Variants in PCDH19 observed in about 807,000 individuals in gnomAD.
PCDH19 encodes protocadherin 19.
In PCDH19, 6 loss-of-function variants were observed where a neutral mutation model predicts 46.2. The ratio of observed to expected loss-of-function variants is 0.13; its 90% CI spans 0.07 to 0.26. PCDH19 has a LOEUF of 0.26. Among genes scored for constraint, PCDH19 ranks in the 10% least tolerant of loss-of-function variants. PCDH19 has a pLI of 1.00. For missense variants in PCDH19, 740 were observed against 972.3 expected, an observed-to-expected ratio of 0.76 and a Z score of 3.18; for synonymous variants, 481 against 415.7, an observed-to-expected ratio of 1.16 and a Z score of -1.91.
At chrX:100,344,879 A>G (rs979278723) in intron 4 of PCDH19, among the ~76,000 whole-genome samples, 5 of 106,622 alleles carry the variant, frequency 4.7e-5, no homozygotes, top group Non-Finnish European at 9.6e-5. Context: ...CTTAAAGGAA[A>G]AAAACCAAAA....
chrX:100,361,780 G>A (rs773774559), intron 3 of PCDH19, among the ~76,000 whole-genome samples: 9 of 110,979 alleles, frequency 8.1e-5, no homozygotes, highest in Non-Finnish European at 1.5e-4. Context: ...CAGGTCCTGC[G>A]CTCACACCAC....
In PCDH19 at chrX:100,294,164, A is replaced by G. The variant is rs2147443197; in HGVS notation, c.*2113T>C. On this transcript the variant is annotated 3_prime_UTR_variant, in exon 6 of 6. Coordinates refer to ENST00000373034, the MANE Select transcript of PCDH19 (RefSeq NM_001184880.2). ...GTGTTAATCAAATAGTCACTTGCAA[A>G]GAGAAATAAATACTTAATTCAAAAT... 1 of 112,442 alleles carries G rather than the reference A, an allele frequency of 8.9e-6. No homozygotes were observed. Among genetic ancestry groups the G allele is most frequent in the Non-Finnish European group, 1.9e-5 (1 of 53,274 alleles). The allele number at this position is 112,442 out of a possible 1,213,427, so 9.3% of individuals were successfully genotyped here. A position where few individuals can be genotyped will look rare whatever the true frequency, so the allele number is the denominator to read the frequency against.
At chrX:100,322,865 A>ATATATATATATATATATATATATT in intron 5 of PCDH19, among the ~76,000 whole-genome samples, 4 of 54,416 alleles carry the variant, frequency 7.4e-5, no homozygotes, top group African/African-American at 2.5e-4. Flanking sequence ...ATATATATAT[A>ATATATATATATATATATATATATT]TTTTTGCAGC....
chrX:100,303,490 C>T (rs748950699), intron 5 of PCDH19, among the ~76,000 whole-genome samples: 1 of 111,479 alleles, frequency 9.0e-6, no homozygotes, highest in Admixed American at 9.5e-5. Flanking sequence ...ATGACAACTT[C>T]CTAGAGCCCT....
At position 100,332,349 on chromosome X, in the gene PCDH19, C is replaced by T. The variant is rs112650733; in HGVS notation, c.2848+9554G>A. On this transcript the variant is annotated intron_variant, in intron 5 of 5. Coordinates refer to ENST00000373034, the MANE Select transcript of PCDH19 (RefSeq NM_001184880.2). Reference sequence around the variant, plus strand: ...CCAGCCTGGCCAACGTGGTGAAACCCCGTCTCTACTAAAAGTACAAAAATT... The same window carrying T: ...CCAGCCTGGCCAACGTGGTGAAACCTCGTCTCTACTAAAAGTACAAAAATT... 6.8e-3 allele frequency among the ~76,000 whole-genome samples: 754 copies of T among 110,815 alleles called. 4 individuals are homozygous for T. The highest frequency in any genetic ancestry group is 0.023 in the African/African-American group (704 of 30,401).
intron 3 of PCDH19, among the ~76,000 whole-genome samples, chrX:100,374,909 A>G (rs1027045086): frequency 1.7e-4 from 18 of 108,446 alleles, no homozygotes; most frequent in African/African-American, 6.1e-4. Context: ...TTTGCACTCC[A>G]GCCCAGGCGA....
chrX:100,367,094 G>A (rs1288207253), intron 3 of PCDH19, among the ~76,000 whole-genome samples: 1 of 112,633 alleles, frequency 8.9e-6, no homozygotes, highest in African/African-American at 3.2e-5. Context: ...ATCATTCAGA[G>A]GCTTCCCCAC....
chrX:100,341,710 G>T (rs1926254653), intron 5 of PCDH19, among the ~76,000 whole-genome samples, 193 bp downstream of exon 5: 1 of 111,896 alleles, frequency 8.9e-6, no homozygotes, highest in Admixed American at 9.5e-5. Flanking sequence ...AGACCTAGGG[G>T]ATCCACTTAG....
At chrX:100,329,290 G>C (rs1925799925) in intron 5 of PCDH19, among the ~76,000 whole-genome samples, 1 of 112,211 alleles carries the variant, frequency 8.9e-6, no homozygotes, top group African/African-American at 3.2e-5. Flanking sequence ...TCTGGCTCTA[G>C]GTCGTTAAAA....
At position 100,408,488 on chromosome X, in the gene PCDH19, G is replaced by A; in HGVS notation, c.110C>T (p.Thr37Met). ...GTCTTTGGCCACGTTGGCAATCACC[G>A]TCCCGGCGCGCTGCTCCTCTTCTAC... ...YSVEEEQRAG[T>M]VIANVAKDAR... is the part of the protein sequence containing the mutation. The change falls in exon 1 of 6, where the codon ACG becomes ATG. Residue 37 changes from threonine (T) to methionine (M), a missense_variant. Thr to Met is a moderately conservative substitution (Grantham distance 81). This residue lies in a region of PCDH19 where 81 missense variants were observed against 96.5 expected (regional missense o/e 0.84). Coordinates refer to ENST00000373034, the MANE Select transcript of PCDH19 (RefSeq NM_001184880.2). 1 of 1,202,326 alleles carries A rather than the reference G, an allele frequency of 8.3e-7. No individual in the cohort carries two copies. Among genetic ancestry groups the A allele is most frequent in the Admixed American group, 2.2e-5 (1 of 45,628 alleles).
In PCDH19 at chrX:100,366,157, T is replaced by C. The variant is rs1927065829; in HGVS notation, c.2617-15453A>G. ...GGCCTCATTCTAGCAAACAACTTGC[T>C]TTGTTGCCACTTAAATTGCTCATTT... On this transcript the variant is annotated intron_variant, in intron 3 of 5. Coordinates refer to ENST00000373034, the MANE Select transcript of PCDH19 (RefSeq NM_001184880.2). 2.7e-5 allele frequency among the ~76,000 whole-genome samples: 3 copies of C among 112,272 alleles called. No individual in the cohort carries two copies. The South Asian group carries it at 1.1e-3, about 42-fold the overall frequency.
chrX:100,389,388 T>G (rs868134255), intron 3 of PCDH19, among the ~76,000 whole-genome samples: 2 of 104,536 alleles, frequency 1.9e-5, no homozygotes, highest in African/African-American at 3.6e-5. Flanking sequence ...CCAGGGGTTG[T>G]GGGTGGGGGA....
At chrX:100,312,718 A>G (rs1040058821) in intron 5 of PCDH19, among the ~76,000 whole-genome samples, 1 of 111,352 alleles carries the variant, frequency 9.0e-6, no homozygotes, top group Non-Finnish European at 1.9e-5. Context: ...AGATTACAAT[A>G]TAATCCTCTG....
chrX:100,347,130 G>A (rs900517875), intron 4 of PCDH19, among the ~76,000 whole-genome samples: 1 of 110,906 alleles, frequency 9.0e-6, no homozygotes, highest in East Asian at 2.8e-4. Context: ...AAATTATGGG[G>A]AGCCTGCCAT....
chrX:100,338,932 G>C (rs1321904309), intron 5 of PCDH19, among the ~76,000 whole-genome samples: 1 of 112,148 alleles, frequency 8.9e-6, no homozygotes, highest in Non-Finnish European at 1.9e-5. Context: ...TTGAAATTCT[G>C]AGATTCCCCT....
intron 5 of PCDH19, among the ~76,000 whole-genome samples, chrX:100,322,867 T>TATATATATATA (rs1569291909): frequency 7.8e-5 from 3 of 38,421 alleles, no homozygotes; most frequent in East Asian, 1.0e-3. Flanking sequence ...ATATATATAT[T>TATATATATATA]TTTGCAGCTA....
rs1474483442 is a variant in PCDH19 at position 100,296,142 on chromosome X, C to A, written c.*135G>T. On this transcript the variant is annotated 3_prime_UTR_variant, in exon 6 of 6. Transcript: ENST00000373034. Reference sequence around the variant, plus strand: ...GGGACTGTCACAGAATGATAATCACCTATAAACAATACATTTAGGAAAAGC... The same window carrying A: ...GGGACTGTCACAGAATGATAATCACATATAAACAATACATTTAGGAAAAGC... 9.0e-6 allele frequency: 5 copies of A among 557,727 alleles called. No individual in the cohort carries two copies. The highest frequency in any genetic ancestry group is 1.6e-5 in the Non-Finnish European group (5 of 320,263). 46.0% of individuals were successfully genotyped at this position (557,727 alleles called of 1,213,427 possible).
intron 5 of PCDH19, among the ~76,000 whole-genome samples, chrX:100,311,489 T>C (rs774280462): frequency 4.5e-5 from 5 of 111,870 alleles, no homozygotes; most frequent in African/African-American, 1.3e-4. Context: ...TTCAGTTTTG[T>C]AGAATAGGCC....
At chrX:100,363,827 C>G (rs1202429874) in intron 3 of PCDH19, among the ~76,000 whole-genome samples, 1 of 98,274 alleles carries the variant, frequency 1.0e-5, no homozygotes, top group Non-Finnish European at 2.0e-5. Context: ...CCATCTACCA[C>G]AGCAGACACT....
Sources: allele counts gnomAD v4.1 joint callset (sites outside exome capture counted in the v4.1 genomes callset), GRCh38; gene constraint gnomAD v4.1.1; regional missense constraint gnomAD v4.1.1; transcripts MANE v1.5; gene names NCBI Gene and HGNC (gene_info 2026-07-23, HGNC 2026-07-21).